Variants in SMARCAL1 observed in about 807,000 individuals in gnomAD.
SMARCAL1 encodes ATP-driven annealing helicase.
Under a neutral mutation model 94.5 loss-of-function variants are expected in SMARCAL1, and 58 were observed. The observed-to-expected ratio is 0.61, with a 90% CI of 0.50 to 0.76. The LOEUF is 0.76. Ranked by LOEUF, SMARCAL1 falls within the 30% of genes least tolerant of loss-of-function variation. The pLI is 0.00. For synonymous variants in SMARCAL1, 422 were observed against 455.1 expected (o/e 0.93, Z 0.93); for missense variants, 1,051 against 1,177.9 (o/e 0.89, Z 1.58).
At chr2:216,468,820 A>T (rs1049131080) in intron 14 of SMARCAL1, among the ~76,000 whole-genome samples, 1 of 152,124 alleles carries the variant, frequency 6.6e-6, no homozygotes, top group Non-Finnish European at 1.5e-5. Context: ...TCTCAGGTTC[A>T]AGTGATTCTC....
At chr2:216,471,881 T>C (rs111909729) in intron 14 of SMARCAL1, among the ~76,000 whole-genome samples, 263 of 152,270 alleles carry the variant, frequency 1.7e-3, no homozygotes, top group African/African-American at 6.1e-3. Context: ...TAAATTATAG[T>C]CCATTCAGCC....
At position 216,420,284 on chromosome 2, in the gene SMARCAL1, C is replaced by A; in HGVS notation, c.863-15C>A. 2.5e-6 allele frequency: 4 copies of A among 1,602,536 alleles called. No homozygotes were observed. Among genetic ancestry groups the A allele is most frequent in the Non-Finnish European group, 3.4e-6 (4 of 1,170,072 alleles). On this transcript the variant is annotated splice_polypyrimidine_tract_variant and intron_variant, in intron 4 of 17. Coordinates refer to ENST00000357276, the MANE Select transcript of SMARCAL1 (RefSeq NM_014140.4). ...CCTGCTTTATCACTTCTGTTCGATT[C>A]TTCTTCTTTGGCAGTGAAAGCAGCC...
At chr2:216,462,063 G>A (rs565296637) in intron 12 of SMARCAL1, among the ~76,000 whole-genome samples, 2 of 152,262 alleles carry the variant, frequency 1.3e-5, no homozygotes, top group South Asian at 4.1e-4. Flanking sequence ...CATATTTAAA[G>A]GGGGTTGGTA....
At chr2:216,464,818 A>G in intron 13 of SMARCAL1, 151 bp downstream of exon 13, 1 of 699,194 alleles carries the variant, frequency 1.4e-6, no homozygotes, top group South Asian at 1.6e-5. Context: ...AGGAAAAAAT[A>G]AAACAGATGA....
At chr2:216,460,351 A>G (rs1189678582) in intron 12 of SMARCAL1, among the ~76,000 whole-genome samples, 1 of 152,202 alleles carries the variant, frequency 6.6e-6, no homozygotes, top group Non-Finnish European at 1.5e-5. Context: ...TACCCAAAGG[A>G]TTATAAATCA....
intron 5 of SMARCAL1, among the ~76,000 whole-genome samples, chr2:216,421,751 T>C (rs748097645): frequency 6.6e-6 from 1 of 152,208 alleles, no homozygotes; most frequent in Non-Finnish European, 1.5e-5. Context: ...CATTCTTGAA[T>C]TGGTTTAATC....
intron 5 of SMARCAL1, 85 bp from the exon 6 acceptor site, chr2:216,423,548 G>T (rs1026889936): frequency 1.7e-6 from 2 of 1,175,708 alleles, no homozygotes; most frequent in African/African-American, 3.0e-5. Flanking sequence ...GGAAGTTTAT[G>T]AAACCAAGGA....
chr2:216,447,186 C>G, intron 11 of SMARCAL1, 28 bp downstream of exon 11: 1 of 1,612,638 alleles, frequency 6.2e-7, no homozygotes, highest in East Asian at 2.2e-5. Flanking sequence ...CCTCCCAGCC[C>G]ACCCATTTCT....
chr2:216,442,441 A>T (rs1694217172), intron 10 of SMARCAL1, among the ~76,000 whole-genome samples: 1 of 151,030 alleles, frequency 6.6e-6, no homozygotes, highest in Admixed American at 6.6e-5. Context: ...AAAAAAATTC[A>T]AACAATACAA....
chr2:216,424,140 T>C (rs1188443345), intron 6 of SMARCAL1, among the ~76,000 whole-genome samples: 1 of 152,234 alleles, frequency 6.6e-6, no homozygotes, highest in East Asian at 1.9e-4. Context: ...AATAGAGTTC[T>C]GTTTGGGGCA....
intron 12 of SMARCAL1, among the ~76,000 whole-genome samples, chr2:216,453,463 G>A (rs1206368152): frequency 6.6e-6 from 1 of 152,136 alleles, no homozygotes; most frequent in Non-Finnish European, 1.5e-5. Context: ...CAGAACCTTT[G>A]GATTTCTAAA....
chr2:216,459,146 A>G (rs1170555796), intron 12 of SMARCAL1, among the ~76,000 whole-genome samples: 1 of 152,236 alleles, frequency 6.6e-6, no homozygotes, highest in African/African-American at 2.4e-5. Flanking sequence ...GGACCTCTTC[A>G]AGGAGAACTA....
chr2:216,447,982 C>A (rs1694356750), intron 11 of SMARCAL1, among the ~76,000 whole-genome samples: 1 of 152,188 alleles, frequency 6.6e-6, no homozygotes, highest in Non-Finnish European at 1.5e-5. Flanking sequence ...AAAAGCCTTG[C>A]TGTGCAAGTA....
chr2:216,420,376 A>G lies in SMARCAL1; in HGVS notation c.940A>G (p.Thr314Ala), dbSNP rs964019648. 1 of 1,614,052 alleles carries G rather than the reference A, an allele frequency of 6.2e-7. No individual in the cohort carries two copies. The highest frequency in any genetic ancestry group is 8.5e-7 in the Non-Finnish European group (1 of 1,180,044). ...WAYGSSESPS[T>A]SSEGQAGLPS... is the part of the protein sequence containing the mutation. ...CTATGGCAGCAGCGAGTCACCCTCCACCAGCAGTGAGGGACAGGCCGGCCT... is the reference window on the plus strand; with the variant it reads ...CTATGGCAGCAGCGAGTCACCCTCCGCCAGCAGTGAGGGACAGGCCGGCCT... Residue 314 changes from threonine (T) to alanine (A), a missense_variant, in exon 5 of 18, where the codon ACC becomes GCC. Transcript: ENST00000357276.
chr2:216,462,868 T>C (rs1367556148), intron 12 of SMARCAL1, among the ~76,000 whole-genome samples: 2 of 151,306 alleles, frequency 1.3e-5, no homozygotes, highest in Non-Finnish European at 2.9e-5. Flanking sequence ...TGCATACCTT[T>C]AGTCCCAGTT....
intron 10 of SMARCAL1, among the ~76,000 whole-genome samples, chr2:216,442,808 C>T (rs930624991): frequency 6.6e-6 from 1 of 152,180 alleles, no homozygotes; most frequent in Non-Finnish European, 1.5e-5. Context: ...TTACATGCAA[C>T]ACTGCAATGA....
chr2:216,473,054 G>A (rs1410674842), intron 14 of SMARCAL1, among the ~76,000 whole-genome samples: 1 of 152,120 alleles, frequency 6.6e-6, no homozygotes, highest in Non-Finnish European at 1.5e-5. Context: ...GCAGTAAACT[G>A]CACATAATGT....
At chr2:216,450,764 G>C in intron 11 of SMARCAL1, 82 bp from the exon 12 acceptor site, 1 of 1,126,318 alleles carries the variant, frequency 8.9e-7, no homozygotes, top group Non-Finnish European at 1.3e-6. Context: ...TGTGAGAAGA[G>C]GGACCTCCCG....
At position 216,415,333 on chromosome 2, in the gene SMARCAL1, G is replaced by C. The variant is rs760336986; in HGVS notation, c.629G>C (p.Ser210Thr). The C allele has an allele frequency of 1.2e-6, 2 of 1,614,218 alleles. No homozygotes were observed. Among genetic ancestry groups the C allele is most frequent in the Non-Finnish European group, 1.7e-6 (2 of 1,180,042 alleles). Residue 210 changes from serine (S) to threonine (T), a missense_variant, in exon 3 of 18, where the codon AGC becomes ACC. Around this residue, in one of 3 missense-constraint regions of SMARCAL1, gnomAD observed 398 missense variants for 395.2 expected, o/e 1.01. Transcript: ENST00000357276. ...SGQNISYIHS[S>T]SESVTPRTEG... The stretch of plus-strand genomic sequence containing the variant: ...CAGAACATTTCTTACATCCATTCTA[G>C]CTCAGAGAGTGTAACGCCCAGGACA...
Sources: allele counts gnomAD v4.1 joint callset (sites outside exome capture counted in the v4.1 genomes callset), GRCh38; gene constraint gnomAD v4.1.1; regional missense constraint gnomAD v4.1.1; transcripts MANE v1.5; gene names NCBI Gene and HGNC (gene_info 2026-07-23, HGNC 2026-07-21).